GRID2: variants seen among roughly 807,000 people sequenced by gnomAD.
GRID2 encodes the protein glutamate receptor ionotropic, delta-2.
Under a neutral mutation model 114.8 loss-of-function variants are expected in GRID2, and 33 were observed. The observed-to-expected ratio is 0.29, with a 90% confidence interval of 0.22 to 0.38. The LOEUF (loss-of-function observed/expected upper bound fraction) is 0.38, where lower values mean the gene tolerates loss of function less well. GRID2 is among the 10% of genes least tolerant of loss of function. The pLI is 1.00. For missense variants in GRID2, 1,184 were observed against 1,257.7 expected (o/e 0.94, Z 0.89); for synonymous variants, 505 against 449.9 (o/e 1.12, Z -1.55).
chr4:93,605,202 C>G (rs1165364871), intron 13 of GRID2, among the ~76,000 whole-genome samples: 1 of 151,990 alleles, frequency 6.6e-6, no homozygotes, highest in Admixed American at 6.6e-5. Context: ...CCCCATGTGA[C>G]TAATTTAAAT....
At chr4:93,537,667 ATATT>A (rs1431507865) in intron 13 of GRID2, among the ~76,000 whole-genome samples, 1 of 151,840 alleles carries the variant, frequency 6.6e-6, no homozygotes, top group Admixed American at 6.6e-5. Flanking sequence ...TTGCAGAAAG[ATATT>A]TGGAGAGTTG....
chr4:92,790,063 T>C (rs1173680881), intron 2 of GRID2, among the ~76,000 whole-genome samples: 1 of 151,904 alleles, frequency 6.6e-6, no homozygotes, highest in African/African-American at 2.4e-5. Context: ...GCATCTGCAC[T>C]AGAGTAACCT....
intron 2 of GRID2, among the ~76,000 whole-genome samples, chr4:92,719,256 G>A (rs1735698627): frequency 6.6e-6 from 1 of 151,958 alleles, no homozygotes; most frequent in Non-Finnish European, 1.5e-5. Flanking sequence ...CAAAGTGCTG[G>A]GATTACAGGC....
chr4:93,246,029 T>C (rs747303360), intron 8 of GRID2, among the ~76,000 whole-genome samples: 1 of 152,216 alleles, frequency 6.6e-6, no homozygotes, highest in Non-Finnish European at 1.5e-5. Flanking sequence ...AGTGATAGCA[T>C]GAAACACTAA....
intron 13 of GRID2, among the ~76,000 whole-genome samples, chr4:93,604,006 T>C (rs57482846): frequency 0.072 from 11,021 of 152,290 alleles, 765 homozygotes; most frequent in African/African-American, 0.18. Context: ...ACAAGATCCA[T>C]TCTGCAGCCC....
chr4:93,649,409 C>T (rs573973058), intron 14 of GRID2, among the ~76,000 whole-genome samples: 1 of 152,194 alleles, frequency 6.6e-6, no homozygotes, highest in South Asian at 2.1e-4. Flanking sequence ...CTTTTATTAA[C>T]ATAATAATTA....
At chr4:93,570,092 T>G (rs1053859266) in intron 13 of GRID2, among the ~76,000 whole-genome samples, 6 of 150,004 alleles carry the variant, frequency 4.0e-5, no homozygotes, top group African/African-American at 1.5e-4. Context: ...TAACAGAAGC[T>G]TCATTAATAT....
intron 1 of GRID2, among the ~76,000 whole-genome samples, chr4:93,793,793 T>C (rs1734744080): frequency 6.6e-6 from 1 of 152,168 alleles, no homozygotes; most frequent in African/African-American, 2.4e-5. Flanking sequence ...CAAGGACGTA[T>C]GCAAACAGAA....
intron 2 of GRID2, among the ~76,000 whole-genome samples, chr4:92,882,639 C>T (rs1746109152): frequency 6.6e-6 from 1 of 152,048 alleles, no homozygotes; most frequent in South Asian, 2.1e-4. Context: ...ATGCATACCT[C>T]AGAGATACTG....
intron 8 of GRID2, among the ~76,000 whole-genome samples, chr4:93,298,257 C>T (rs1011301465): frequency 6.6e-6 from 1 of 152,168 alleles, no homozygotes; most frequent in African/African-American, 2.4e-5. Flanking sequence ...AACAAAGTGC[C>T]ATAGGCTGAA....
intron 14 of GRID2, among the ~76,000 whole-genome samples, chr4:93,634,105 A>T (rs1177104641): frequency 6.6e-6 from 1 of 152,170 alleles, no homozygotes; most frequent in Admixed American, 6.6e-5. Context: ...TTATTGAGAC[A>T]CATTTGTAAA....
rs376260929 is a variant in GRID2, at chr4:92,399,543, CTTAAT to C, written c.88+94803_88+94807del. 2.3e-4 allele frequency among the ~76,000 whole-genome samples: 35 copies of C among 152,022 alleles called. No individual in the cohort carries two copies. In the East Asian group the frequency reaches 4.1e-3, roughly 18 times the overall value. ...CTGACAAATATTATTTTTGTGATCT[CTTAAT>C]TTAGTTTTGAAGCTTTATAAAGATA... On this transcript the variant is annotated intron_variant, in intron 1 of 15. Coordinates refer to ENST00000282020, the MANE Select transcript of GRID2 (RefSeq NM_001510.4).
intron 2 of GRID2, among the ~76,000 whole-genome samples, chr4:93,050,181 A>C (rs1201034797): frequency 6.6e-6 from 1 of 152,106 alleles, no homozygotes; most frequent in East Asian, 1.9e-4. Context: ...ATAGCCCTGC[A>C]AATTGCAGAA....
At chr4:92,920,306 G>A (rs1317047408) in intron 2 of GRID2, among the ~76,000 whole-genome samples, 2 of 152,086 alleles carry the variant, frequency 1.3e-5, no homozygotes, top group South Asian at 4.1e-4. Flanking sequence ...TATCCAATTT[G>A]CCAGACTGTG....
At chr4:93,347,030 G>A (rs1013139577) in intron 8 of GRID2, among the ~76,000 whole-genome samples, 1 of 151,894 alleles carries the variant, frequency 6.6e-6, no homozygotes, top group Non-Finnish European at 1.5e-5. Context: ...AGCATCTTTC[G>A]GTCTTTCCTT....
intron 1 of GRID2, among the ~76,000 whole-genome samples, chr4:92,482,070 T>G (rs1722643537): frequency 7.1e-6 from 1 of 140,454 alleles, no homozygotes; most frequent in Non-Finnish European, 1.5e-5. Context: ...CTCAGAGAAT[T>G]TTGATTTATT....
chr4:92,689,867 C>A (rs2149291857), intron 2 of GRID2, among the ~76,000 whole-genome samples: 1 of 152,268 alleles, frequency 6.6e-6, no homozygotes, highest in East Asian at 1.9e-4. Context: ...AACTTTTCTT[C>A]TGTAGCTTCC....
intron 2 of GRID2, among the ~76,000 whole-genome samples, chr4:92,834,598 T>C (rs1742328126): frequency 6.6e-6 from 1 of 152,176 alleles, no homozygotes; most frequent in African/African-American, 2.4e-5. Context: ...ACACAGTTTA[T>C]ACCCTCAAGC....
Position 93,455,883 on chromosome 4 carries a change from G to T in GRID2, c.1767G>T (p.Trp589Cys). ...LVGLLVYLLNWLNPPRLQMGS... is the reference protein window; with the variant it reads ...LVGLLVYLLNCLNPPRLQMGS... The stretch of plus-strand genomic sequence containing the variant: ...GTCTACTGGTCTACCTCTTGAACTG[G>T]CTTAATCCCCCACGATTACAAATGG... The change falls in exon 11 of 16, where the codon TGG becomes TGT. Residue 589 changes from tryptophan (W) to cysteine (C), a missense_variant. Trp to Cys is a radical substitution (Grantham distance 215, BLOSUM62 -2). Around this residue, in one of 3 missense-constraint regions of GRID2, gnomAD observed 717 missense variants for 796.9 expected, o/e 0.90. Transcript: ENST00000282020. The T allele has an allele frequency of 6.2e-7, 1 of 1,610,424 alleles. No individual in the cohort carries two copies. Among genetic ancestry groups the T allele is most frequent in the Non-Finnish European group, 8.5e-7 (1 of 1,176,734 alleles).
Sources: allele counts gnomAD v4.1 joint callset (sites outside exome capture counted in the v4.1 genomes callset), GRCh38; gene constraint gnomAD v4.1.1; regional missense constraint gnomAD v4.1.1; transcripts MANE v1.5; gene names NCBI Gene and HGNC (gene_info 2026-07-23, HGNC 2026-07-21).